The following RUFY2 variants were observed in gnomAD, a reference collection of about 807,000 sequenced individuals.
RUFY2 encodes RUN and FYVE domain containing 2, also known as RUN and FYVE domain-containing protein 2.
In RUFY2, 49 loss-of-function variants were observed where a neutral mutation model predicts 94.4. The observed-to-expected ratio is 0.52, with a 90% confidence interval of 0.41 to 0.66. The LOEUF is 0.66. Among genes scored for constraint, RUFY2 ranks in the 30% least tolerant of loss-of-function variants. The pLI is 0.00. For missense variants in RUFY2, 541 were observed against 692.8 expected (o/e 0.78, Z 2.46); for synonymous variants, 255 against 235.7 (o/e 1.08, Z -0.75).
intron 2 of RUFY2, 76 bp from the exon 3 acceptor site, chr10:68,401,813 CA>C (rs2050870412): frequency 1.2e-6 from 1 of 848,864 alleles, no homozygotes; most frequent in African/African-American, 1.7e-5. Flanking sequence ...TATTTAGTTT[CA>C]ACATTTCTAA....
At chr10:68,378,585 G>A in intron 12 of RUFY2, 2 of 1,608,258 alleles carry the variant, frequency 1.2e-6, no homozygotes, top group South Asian at 1.1e-5. Flanking sequence ...TCTTTAACCA[G>A]CTTGTACTGG....
chr10:68,348,700 C>G (rs980930138), intron 16 of RUFY2, among the ~76,000 whole-genome samples: 1 of 152,072 alleles, frequency 6.6e-6, no homozygotes, highest in Non-Finnish European at 1.5e-5. Context: ...TTGGAGACTT[C>G]TTTTCATTGA....
intron 10 of RUFY2, among the ~76,000 whole-genome samples, chr10:68,382,723 A>G (rs1249143657): frequency 2.2e-5 from 3 of 133,630 alleles, no homozygotes; most frequent in South Asian, 2.3e-4. Flanking sequence ...CAAAAAAAAA[A>G]AAAAAGAAAA....
Position 68,401,682 on chromosome 10 carries a change from C to T in RUFY2, c.234G>A (p.Val78=), listed in dbSNP as rs765636529. 15 of 1,614,024 alleles carry T rather than the reference C, an allele frequency of 9.3e-6. No homozygotes were observed. Among genetic ancestry groups the T allele is most frequent in the Non-Finnish European group, 1.3e-5 (15 of 1,179,974 alleles). ...NKTIWGPLEL[V]EKLYPEAEEI... ...CCTCTGCTTCGGGGTACAGCTTCTC[C>T]ACCAGTTCCAAAGGGCCCCAGATGG... Residue 78 remains valine, a synonymous_variant, in exon 3 of 18, where the codon GTG becomes GTA. Transcript: ENST00000602465.
chr10:68,377,988 G>C, intron 12 of RUFY2: 1 of 985,218 alleles, frequency 1.0e-6, no homozygotes, highest in Non-Finnish European at 1.2e-6. Context: ...TCAGGTGCTG[G>C]GATTGGACCC....
chr10:68,394,874 G>A (rs984906146), intron 4 of RUFY2, among the ~76,000 whole-genome samples: 11 of 151,674 alleles, frequency 7.3e-5, no homozygotes, highest in East Asian at 2.0e-4. Context: ...CATGGTCCGC[G>A]GGCCTCAGCA....
chr10:68,378,177 C>T, intron 12 of RUFY2: 1 of 989,532 alleles, frequency 1.0e-6, no homozygotes, highest in African/African-American at 1.7e-5. Context: ...TGTAAGGGAG[C>T]CATTGGGCAA....
chr10:68,344,094 T>A lies in RUFY2; in HGVS notation c.*1674A>T, dbSNP rs2046138708. The A allele has an allele frequency of 6.6e-6, 1 of 152,120 alleles. No homozygotes were observed. 9.4% of individuals were successfully genotyped at this position (152,120 alleles called of 1,614,324 possible). A position where few individuals can be genotyped will look rare whatever the true frequency, so the allele number is the denominator to read the frequency against. On this transcript the variant is annotated 3_prime_UTR_variant, in exon 18 of 18. Coordinates refer to ENST00000602465, the MANE Select transcript of RUFY2 (RefSeq NM_001330103.2). Reference sequence around the variant, plus strand: ...GAATATAATCCTCTCTTGAGGACATTTCTGTCAGTATTCAAGAAAGACCAT... The same window carrying A: ...GAATATAATCCTCTCTTGAGGACATATCTGTCAGTATTCAAGAAAGACCAT...
intron 3 of RUFY2, among the ~76,000 whole-genome samples, chr10:68,399,842 C>T (rs916098297): frequency 9.2e-5 from 14 of 152,100 alleles, no homozygotes; most frequent in African/African-American, 4.8e-5. Flanking sequence ...AGTGCAATGG[C>T]GTGATCTCAG....
intron 1 of RUFY2, among the ~76,000 whole-genome samples, chr10:68,406,504 G>A (rs2051315443): frequency 6.6e-6 from 1 of 152,300 alleles, no homozygotes; most frequent in Middle Eastern, 3.4e-3. Flanking sequence ...GAGGCAGATC[G>A]GTGCTGGGCA....
intron 7 of RUFY2, among the ~76,000 whole-genome samples, chr10:68,390,144 A>G (rs530962056): frequency 6.6e-6 from 1 of 152,344 alleles, no homozygotes; most frequent in East Asian, 1.9e-4. Flanking sequence ...TCTCAGAAAT[A>G]CAAATTACAA....
intron 6 of RUFY2, 108 bp downstream of exon 6, chr10:68,393,967 G>C: frequency 7.0e-7 from 1 of 1,420,642 alleles, no homozygotes; most frequent in Non-Finnish European, 9.3e-7. Flanking sequence ...AAGTCACAGG[G>C]GGGAAAACAA....
chr10:68,404,986 TG>T, intron 1 of RUFY2, 142 bp from the exon 2 acceptor site: 1 of 667,820 alleles, frequency 1.5e-6, no homozygotes, highest in South Asian at 2.5e-5. Context: ...ACCACACCCT[TG>T]ATTAACTTCT....
At chr10:68,351,923 G>A (rs2046706418) in intron 16 of RUFY2, among the ~76,000 whole-genome samples, 1 of 151,678 alleles carries the variant, frequency 6.6e-6, no homozygotes. Context: ...TGGGCATGGT[G>A]GTGGGTGCCT....
intron 13 of RUFY2, among the ~76,000 whole-genome samples, chr10:68,366,330 CAAA>C (rs374353912): frequency 7.2e-5 from 4 of 55,436 alleles, no homozygotes; most frequent in African/African-American, 3.0e-4. Context: ...AACTCCATCT[CAAA>C]AAAAAAAAAA....
At chr10:68,380,387 A>G (rs1273499485) in intron 11 of RUFY2, among the ~76,000 whole-genome samples, 2 of 151,796 alleles carry the variant, frequency 1.3e-5, no homozygotes, top group Admixed American at 1.3e-4. Flanking sequence ...TACAGAAAAC[A>G]AAAGAAAAAA....
chr10:68,384,193 C>A (rs2049304989), intron 8 of RUFY2, 41 bp from the exon 9 acceptor site: 1 of 1,563,808 alleles, frequency 6.4e-7, no homozygotes. Context: ...ATTTTAAACA[C>A]CCTTATACTT....
In RUFY2 at chr10:68,376,452, A is replaced by G. The variant is rs1462844354; in HGVS notation, c.1325+401T>C. On this transcript the variant is annotated intron_variant, in intron 13 of 17. Transcript: ENST00000602465. ...CTCAAAAAAATGTGTGTATATATAT[A>G]TATATATATATATATATATATATAT... Among the ~76,000 whole-genome samples the G allele has an allele frequency of 4.1e-4, 8 of 19,576 alleles. 1 individual carries two copies. The highest frequency in any genetic ancestry group is 1.5e-3 in the African/African-American group (8 of 5,314). The allele number at this position is 19,576 out of a possible 152,430, so 12.8% of individuals were successfully genotyped here. A position where few individuals can be genotyped will look rare whatever the true frequency, so the allele number is the denominator to read the frequency against.
At chr10:68,363,847 T>C in intron 14 of RUFY2, 137 bp downstream of exon 14, 1 of 845,038 alleles carries the variant, frequency 1.2e-6, no homozygotes, top group Non-Finnish European at 1.8e-6. Flanking sequence ...TATTTTCCAT[T>C]TACTTAATCT....
Sources: gnomAD v4.1 joint callset for allele counts (sites outside exome capture counted in the v4.1 genomes callset) on GRCh38, gnomAD v4.1.1 for gene constraint, MANE v1.5 for transcripts, NCBI Gene and HGNC (gene_info 2026-07-23, HGNC 2026-07-21) for gene names.